Variants in TAF6 observed in about 807,000 individuals in gnomAD.
TAF6 encodes TATA-box binding protein associated factor 6.
Under a neutral mutation model 73.5 loss-of-function variants are expected in TAF6, and 50 were observed. The observed-to-expected ratio is 0.68, with a 90% CI of 0.54 to 0.86. The LOEUF (loss-of-function observed/expected upper bound fraction) is 0.86. Ranked by LOEUF, TAF6 falls within the 40% of genes least tolerant of loss-of-function variation. TAF6 has a pLI of 0.00. For missense variants in TAF6, 768 were observed against 899.5 expected (o/e 0.85, Z 1.87); for synonymous variants, 424 against 376.7 (o/e 1.13, Z -1.45).
At chr7:100,117,877 C>G (rs1754065283) in intron 1 of TAF6, among the ~76,000 whole-genome samples, 1 of 151,176 alleles carries the variant, frequency 6.6e-6, no homozygotes, top group Non-Finnish European at 1.5e-5. Flanking sequence ...CTCGTCTCTA[C>G]TAAAAAATAG....
chr7:100,114,188 T>G lies in TAF6; in HGVS notation c.22A>C (p.Lys8Gln). The change falls in exon 2 of 15, where the codon AAG (lysine) becomes CAG (glutamine). Residue 8 changes from lysine (K) to glutamine (Q), a missense_variant. By Grantham distance (53) the Lys-to-Gln change is moderately conservative. Coordinates refer to ENST00000453269, the MANE Select transcript of TAF6 (RefSeq NM_139315.3). Reference sequence around the variant, plus strand: ...GAGGGCAGCACAGTGTTGCTAAGCTTCAGCTTCTTCTCCTCAGCCATTCTG... The same window carrying G: ...GAGGGCAGCACAGTGTTGCTAAGCTGCAGCTTCTTCTCCTCAGCCATTCTG... MAEEKKLKLSNTVLPSES... is the reference protein window; with the variant it reads MAEEKKLQLSNTVLPSES... 6.2e-7 allele frequency: 1 copy of G among 1,614,214 alleles called. No homozygotes were observed. The highest frequency in any genetic ancestry group is 8.5e-7 in the Non-Finnish European group (1 of 1,180,040).
At chr7:100,124,960 C>G in the TAF6 span, 2 of 1,500,542 alleles carry the variant, frequency 1.3e-6, no homozygotes, top group African/African-American at 2.8e-5. Flanking sequence ...CTCCCTGCTC[C>G]ACAGCTTTCA....
the TAF6 span, chr7:100,126,630 AAAAAAAAAGAGAAAG>A: frequency 1.3e-5 from 2 of 151,468 alleles, no homozygotes; most frequent in Non-Finnish European, 3.0e-5. Context: ...CCGTGTCTCC[AAAAAAAAAGAGAAAG>A]AAAAAATAGA....
At chr7:100,116,308 G>A (rs1345518272) in intron 1 of TAF6, among the ~76,000 whole-genome samples, 1 of 151,992 alleles carries the variant, frequency 6.6e-6, no homozygotes, top group African/African-American at 2.4e-5. Context: ...GACTGCTTGG[G>A]CTTAGGAATT....
intron 6 of TAF6, 26 bp downstream of exon 6, chr7:100,112,772 G>C: frequency 6.3e-7 from 1 of 1,582,232 alleles, no homozygotes; most frequent in Non-Finnish European, 8.6e-7. Context: ...CAAGAGTCCA[G>C]AGAGGCCTAG....
In TAF6 at chr7:100,113,401, A is replaced by G. The variant is rs769822084; in HGVS notation, c.402T>C (p.His134=). ...GCTGGCAGCCCTCGATGCTCAGCCA[A>G]TGAGCTGCAAGGAAGGCAGGTGTCA... ...RVPLDVCLKA[H]WLSIEGCQPA... The change falls in exon 5 of 15, where the codon CAT becomes CAC. Residue 134 remains histidine, a synonymous_variant. Transcript: ENST00000453269. 3 of 1,589,068 alleles carry G rather than the reference A, an allele frequency of 1.9e-6. No homozygotes were observed. Among genetic ancestry groups the G allele is most frequent in the Non-Finnish European group, 2.6e-6 (3 of 1,167,944 alleles).
At chr7:100,122,236 C>G (rs144817219), upstream of TAF6, 19 of 1,613,252 alleles carry the variant, frequency 1.2e-5, 1 homozygote, top group South Asian at 2.2e-5. Flanking sequence ...TACCTCCCCC[C>G]GGACGTTTCT....
At chr7:100,121,116 A>ATTTTTTTTTTTTTTTTTTTTTT (rs1163501525), upstream of TAF6, 2 of 52,800 alleles carry the variant, frequency 3.8e-5, 1 homozygote, top group African/African-American at 1.9e-4. Context: ...ATATATATAT[A>ATTTTTTTTTTTTTTTTTTTTTT]TTTTTTTTTT....
the TAF6 span, chr7:100,125,529 AAAC>A: frequency 1.3e-5 from 2 of 152,214 alleles, no homozygotes; most frequent in Admixed American, 6.5e-5. Flanking sequence ...CCAAAGTTTC[AAAC>A]AACAGCCGGG....
At chr7:100,120,756 G>A (rs1336690167), upstream of TAF6, among the ~76,000 whole-genome samples, 2 of 152,108 alleles carry the variant, frequency 1.3e-5, no homozygotes, top group Non-Finnish European at 2.9e-5. Context: ...ACGGGCCTGG[G>A]CACAGTGGCT....
chr7:100,121,110 A>ATTTTTTT (rs1798036782), upstream of TAF6: 14 of 28,374 alleles, frequency 4.9e-4, no homozygotes, highest in East Asian at 7.1e-4. Context: ...ATATATATAT[A>ATTTTTTT]TATATATTTT....
chr7:100,121,116 A>ATATATATTTTTTTTTTTTTT (rs1584585316), upstream of TAF6: 3 of 52,802 alleles, frequency 5.7e-5, no homozygotes, highest in Admixed American at 2.7e-4. Flanking sequence ...ATATATATAT[A>ATATATATTTTTTTTTTTTTT]TTTTTTTTTT....
chr7:100,126,523 G>A, the TAF6 span, among the ~76,000 whole-genome samples: 5,296 of 152,120 alleles, frequency 0.035, 332 homozygotes, highest in African/African-American at 0.12. Flanking sequence ...GACCAGGCGC[G>A]GTGGCTCACA....
chr7:100,117,260 C>G (rs1397564153), intron 1 of TAF6, among the ~76,000 whole-genome samples: 2 of 144,928 alleles, frequency 1.4e-5, no homozygotes, highest in African/African-American at 2.5e-5. Flanking sequence ...ACCATCTAGA[C>G]AGGGCTCTTT....
chr7:100,111,887 T>G, intron 8 of TAF6, 35 bp downstream of exon 8: 1 of 1,614,006 alleles, frequency 6.2e-7, no homozygotes, highest in Non-Finnish European at 8.5e-7. Context: ...GAGCTTCCAC[T>G]GCCGTCCCTG....
upstream of TAF6, chr7:100,121,140 T>A: frequency 1.8e-5 from 2 of 109,326 alleles, no homozygotes; most frequent in African/African-American, 6.9e-5. Context: ...TTTTTTTTTT[T>A]TTTTTTTTTT....
At chr7:100,119,041 G>C in intron 1 of TAF6, 163 bp downstream of exon 1, 1 of 985,728 alleles carries the variant, frequency 1.0e-6, no homozygotes, top group Non-Finnish European at 1.2e-6. Flanking sequence ...GCAGGAAGGC[G>C]TCCCAGGGAA....
chr7:100,118,858 A>AAC (rs1391366163), intron 1 of TAF6: 2 of 985,158 alleles, frequency 2.0e-6, no homozygotes, highest in Non-Finnish European at 2.4e-6. Flanking sequence ...ATCTATAGGG[A>AAC]ACACAACTAT....
In TAF6 at chr7:100,107,921, C is replaced by T; in HGVS notation, c.1656+5G>A. The T allele has an allele frequency of 1.2e-6, 2 of 1,603,004 alleles. No homozygotes were observed. The highest frequency in any genetic ancestry group is 2.2e-5 in the East Asian group (1 of 44,782). ...AGATGCTCCCTGTCCCACAGCTCTG[C>T]ATACCTGCTGGGTGGATGGGGCGCT... On this transcript the variant is annotated splice_donor_5th_base_variant and intron_variant, in intron 14 of 14. Coordinates refer to ENST00000453269, the MANE Select transcript of TAF6 (RefSeq NM_139315.3).
Sources: allele counts gnomAD v4.1 joint callset (sites outside exome capture counted in the v4.1 genomes callset), GRCh38; gene constraint gnomAD v4.1.1; transcripts MANE v1.5; gene names NCBI Gene and HGNC (gene_info 2026-07-23, HGNC 2026-07-21).